The following EPB41L1 variants were observed in gnomAD, a reference collection of about 807,000 sequenced individuals.
The protein encoded by EPB41L1 is erythrocyte membrane protein band 4.1 like 1.
A neutral mutation model predicts 97.8 loss-of-function variants in EPB41L1; 29 were observed. The ratio of observed to expected loss-of-function variants is 0.30; its 90% CI spans 0.22 to 0.40. EPB41L1 has a LOEUF of 0.40. EPB41L1 is among the 10% of genes least tolerant of loss of function. The probability of loss-of-function intolerance (pLI) is 1.00; values close to 1 mark genes in which losing one functional copy is unlikely to be tolerated. For synonymous variants in EPB41L1, 383 were observed against 459.2 expected (o/e 0.83, Z 2.12); for missense variants, 812 against 1,162.3 (o/e 0.70, Z 4.38).
chr20:36,140,729 G>A (rs2059605852), intron 2 of EPB41L1, among the ~76,000 whole-genome samples: 1 of 152,124 alleles, frequency 6.6e-6, no homozygotes, highest in South Asian at 2.1e-4. Flanking sequence ...AATAGTGCAA[G>A]AGGAGGCCCA....
intron 2 of EPB41L1, among the ~76,000 whole-genome samples, chr20:36,122,482 C>T (rs2058785066): frequency 6.6e-6 from 1 of 152,188 alleles, no homozygotes; most frequent in Admixed American, 6.5e-5. Flanking sequence ...ACCGCCTCAC[C>T]CACACCCCTG....
chr20:36,155,763 G>A (rs1289505131), intron 1 of EPB41L1: 11 of 409,188 alleles, frequency 2.7e-5, no homozygotes, highest in Non-Finnish European at 2.0e-5. Context: ...GCATTGGTGG[G>A]GGAGAGAGCA....
intron 14 of EPB41L1, among the ~76,000 whole-genome samples, chr20:36,203,011 C>A (rs777828465): frequency 2.8e-4 from 43 of 152,260 alleles, no homozygotes; most frequent in Non-Finnish European, 5.0e-4. Context: ...CCCTACCTGA[C>A]GGCAGGGGGC....
chr20:36,094,550 C>T (rs534526637), intron 1 of EPB41L1, among the ~76,000 whole-genome samples: 32 of 152,174 alleles, frequency 2.1e-4, no homozygotes, highest in Non-Finnish European at 4.1e-4. Context: ...AACGTCACAT[C>T]CCCCTTTGCT....
At chr20:36,220,072 T>C (rs1323890144) in intron 19 of EPB41L1, among the ~76,000 whole-genome samples, 1 of 152,238 alleles carries the variant, frequency 6.6e-6, no homozygotes, top group African/African-American at 2.4e-5. Context: ...ACTCTCCTCT[T>C]TGAAGTAACT....
At position 36,103,398 on chromosome 20, in the gene EPB41L1, G is replaced by T. The variant is rs573216816; in HGVS notation, c.-64-9028G>T. Among the ~76,000 whole-genome samples the T allele has an allele frequency of 9.0e-4, 137 of 152,114 alleles. 2 individuals carry two copies. Among genetic ancestry groups the T allele is most frequent in the Non-Finnish European group, 1.2e-3 (82 of 68,040 alleles). ...ACTGGCAGGCCATGGTTTCTCACAG[G>T]GCCCCTCCCTCTATTTGTGGATTGG... On this transcript the variant is annotated intron_variant, in intron 1 of 19. Transcript: ENST00000202028.
At chr20:36,152,548 G>A (rs991141767), upstream of EPB41L1, 6 of 177,782 alleles carry the variant, frequency 3.4e-5, no homozygotes, top group Non-Finnish European at 7.2e-5. Context: ...TCCTGCCCAC[G>A]GGAGCCCACG....
chr20:36,097,608 G>T (rs912238682), intron 1 of EPB41L1, among the ~76,000 whole-genome samples: 34 of 152,326 alleles, frequency 2.2e-4, no homozygotes, highest in African/African-American at 8.2e-4. Flanking sequence ...GACATGTAAA[G>T]ATGCAATACC....
chr20:36,217,156 A>C (rs1228601276), intron 17 of EPB41L1, among the ~76,000 whole-genome samples: 1 of 152,202 alleles, frequency 6.6e-6, no homozygotes, highest in Non-Finnish European at 1.5e-5. Flanking sequence ...GAAGTGGAAG[A>C]AGCAGTGAAT....
rs1242888502 is a variant in EPB41L1, at chr20:36,140,267, C to T, written c.-10+27787C>T. ...TTTTTTTTTAGTAGGGATGAGGTTT[C>T]GCCATGTTGGCCGTGCTGGTCTTGA... On this transcript the variant is annotated intron_variant, in intron 2 of 19. Coordinates refer to the EPB41L1 transcript ENST00000202028. Among the ~76,000 whole-genome samples the T allele has an allele frequency of 5.6e-5, 8 of 142,034 alleles. No homozygotes were observed. The Middle Eastern group carries it at 0.011, about 196-fold the overall frequency. 93.2% of individuals were successfully genotyped at this position (142,034 alleles called of 152,430 possible).
At position 36,185,099 on chromosome 20, in the gene EPB41L1, G is replaced by T; in HGVS notation, c.567-18G>T. 6.2e-7 allele frequency: 1 copy of T among 1,611,500 alleles called. No individual in the cohort carries two copies. Among genetic ancestry groups the T allele is most frequent in the South Asian group, 1.1e-5 (1 of 90,994 alleles). On this transcript the variant is annotated intron_variant, in intron 6 of 21. Transcript: ENST00000338074. ...GGAGTAGGGCCCTGTGCCCATGCTG[G>T]CTCTCCCCTATCTCCAGATACTACC...
intron 6 of EPB41L1, among the ~76,000 whole-genome samples, chr20:36,183,010 C>T (rs1490100563): frequency 2.0e-5 from 3 of 152,146 alleles, no homozygotes; most frequent in Non-Finnish European, 4.4e-5. Flanking sequence ...TCTCGTTGTG[C>T]CTCAGGGCCA....
chr20:36,176,459 G>A (rs2061234963), intron 3 of EPB41L1, among the ~76,000 whole-genome samples: 1 of 152,128 alleles, frequency 6.6e-6, no homozygotes. Flanking sequence ...TGTGTGAAAG[G>A]GCTCAGAGGG....
rs761599879 is a variant in EPB41L1, at chr20:36,209,528, C to G, written c.1709C>G (p.Pro570Arg). 9.3e-6 allele frequency: 15 copies of G among 1,613,868 alleles called. No homozygotes were observed. The highest frequency in any genetic ancestry group is 1.2e-5 in the Non-Finnish European group (14 of 1,179,984). Residue 570 changes from proline to arginine, a missense_variant, in exon 15 of 22, where the codon CCA becomes CGA. By Grantham distance (103) the Pro-to-Arg change is moderately radical. Around this residue, in one of 3 missense-constraint regions of EPB41L1, gnomAD observed 498 missense variants for 622.7 expected, o/e 0.80. Coordinates refer to ENST00000338074, the MANE Select transcript of EPB41L1 (RefSeq NM_012156.2). This position sits in a 1 kb window ranked among gnomAD's most constrained non-coding sequence, Gnocchi z 4.2. The part of the protein sequence containing the change: ...LREGSEEKVK[P>R]PRPRAPESDT... ...GAGGGCTCCGAGGAGAAAGTCAAAC[C>G]ACCACGTCCCCGGGCCCCAGAGAGT...
chr20:36,150,613 T>G (rs1329845036), upstream of EPB41L1: 1 of 152,106 alleles, frequency 6.6e-6, no homozygotes, highest in Non-Finnish European at 1.5e-5. Context: ...AACTTTGGGG[T>G]CGCTAACCCT....
In EPB41L1 at chr20:36,134,516, G is replaced by A. The variant is rs189399919; in HGVS notation, c.-10+22036G>A. Among the ~76,000 whole-genome samples the A allele has an allele frequency of 3.3e-5, 5 of 152,334 alleles. No individual in the cohort carries two copies. In the East Asian group the frequency reaches 9.6e-4, roughly 29 times the overall value. ...ACCAGCTCATGGTGGAGACCAAAGGGTGGGTGAGTTGGCAGCCCTAGTTTT... is the reference window on the plus strand; with the variant it reads ...ACCAGCTCATGGTGGAGACCAAAGGATGGGTGAGTTGGCAGCCCTAGTTTT... On this transcript the variant is annotated intron_variant, in intron 2 of 19. Transcript: ENST00000202028.
At chr20:36,171,133 C>CTT (rs11484332) in intron 1 of EPB41L1, among the ~76,000 whole-genome samples, 812 of 144,818 alleles carry the variant, frequency 5.6e-3, no homozygotes, top group Middle Eastern at 0.014. Context: ...GTCTGTGATG[C>CTT]TTTTTTTTTT....
intron 17 of EPB41L1, among the ~76,000 whole-genome samples, chr20:36,216,569 AC>A (rs1234578459): frequency 6.6e-6 from 1 of 152,120 alleles, no homozygotes; most frequent in Non-Finnish European, 1.5e-5. Context: ...TATTCTAGCA[AC>A]CTCTGTGGAG....
chr20:36,195,793 G>A lies in EPB41L1; in HGVS notation c.1485+429G>A, dbSNP rs1018954923. On this transcript the variant is annotated intron_variant, in intron 13 of 21. Coordinates refer to ENST00000338074, the MANE Select transcript of EPB41L1 (RefSeq NM_012156.2). The surrounding 1 kb of genome is among the most constrained non-coding windows in gnomAD (Gnocchi z 4.6). ...CACTGTTTGGTCTCGCCTCCATCTC[G>A]TCTGTGTCCCCTGTGTCCTCACCCC... is the stretch of plus-strand genomic sequence containing the variant. Among the ~76,000 whole-genome samples, 9 of 151,940 alleles carry A rather than the reference G, an allele frequency of 5.9e-5. No homozygotes were observed. Among genetic ancestry groups the A allele is most frequent in the Non-Finnish European group, 1.0e-4 (7 of 68,004 alleles).
Sources: gnomAD v4.1 joint callset for allele counts (sites outside exome capture counted in the v4.1 genomes callset) on GRCh38, gnomAD v4.1.1 for gene constraint, gnomAD v4.1.1 regional missense constraint, Gnocchi (gnomAD v3.1) non-coding constraint, MANE v1.5 for transcripts, NCBI Gene and HGNC (gene_info 2026-07-23, HGNC 2026-07-21) for gene names.